PPP2R3A: variants seen among roughly 807,000 people sequenced by gnomAD.
The protein encoded by PPP2R3A is serine/threonine-protein phosphatase 2A regulatory subunit B'' subunit alpha.
PPP2R3A carries 80 observed loss-of-function variants against 106.9 expected under a neutral mutation model. That is an observed-to-expected ratio of 0.75 (90% CI 0.62 to 0.90). The LOEUF (loss-of-function observed/expected upper bound fraction) is 0.90, where lower values mean the gene tolerates loss of function less well. Among genes scored for constraint, PPP2R3A ranks in the 40% least tolerant of loss-of-function variants. PPP2R3A has a pLI of 0.00. For synonymous variants in PPP2R3A, 483 were observed against 468.3 expected, an observed-to-expected ratio of 1.03 and a Z score of -0.41; for missense variants, 1,386 against 1,350.4, an observed-to-expected ratio of 1.03 and a Z score of -0.41.
At chr3:135,973,315 T>G (rs1937297583) in intron 1 of PPP2R3A, among the ~76,000 whole-genome samples, 1 of 152,194 alleles carries the variant, frequency 6.6e-6, no homozygotes, top group Non-Finnish European at 1.5e-5. Flanking sequence ...AAAGTATATA[T>G]CATTAAACAA....
At chr3:136,013,799 T>C (rs1283296076) in intron 2 of PPP2R3A, among the ~76,000 whole-genome samples, 1 of 108,604 alleles carries the variant, frequency 9.2e-6, no homozygotes, top group Non-Finnish European at 2.3e-5. Context: ...TCTTCCACGC[T>C]GTGGTTTGTT....
intron 6 of PPP2R3A, among the ~76,000 whole-genome samples, chr3:136,071,982 T>G (rs1559903000): frequency 6.6e-6 from 1 of 152,154 alleles, no homozygotes; most frequent in Non-Finnish European, 1.5e-5. Flanking sequence ...GATCACTCTC[T>G]GTTTTTGTAA....
chr3:135,974,539 C>A (rs1937356914), intron 1 of PPP2R3A, among the ~76,000 whole-genome samples: 1 of 152,204 alleles, frequency 6.6e-6, no homozygotes, highest in African/African-American at 2.4e-5. Flanking sequence ...TACTGCTCTT[C>A]CCTGTGCTTG....
intron 10 of PPP2R3A, among the ~76,000 whole-genome samples, chr3:136,094,711 A>G (rs1576498624): frequency 6.6e-5 from 10 of 152,254 alleles, no homozygotes; most frequent in Admixed American, 6.5e-4. Context: ...TCAGATGTCT[A>G]TTAAAGAAAA....
At chr3:136,050,868 G>A (rs979173864) in intron 5 of PPP2R3A, among the ~76,000 whole-genome samples, 1 of 152,134 alleles carries the variant, frequency 6.6e-6, no homozygotes, top group Non-Finnish European at 1.5e-5. Flanking sequence ...GCAGAGAAGA[G>A]AAGTGACCTC....
chr3:136,088,800 T>C (rs758010276), intron 9 of PPP2R3A, among the ~76,000 whole-genome samples: 2 of 152,190 alleles, frequency 1.3e-5, no homozygotes, highest in Non-Finnish European at 2.9e-5. Context: ...TGTTGTGAGA[T>C]GGTATCTTGT....
intron 10 of PPP2R3A, among the ~76,000 whole-genome samples, chr3:136,100,089 C>CA (rs1476617233): frequency 6.6e-6 from 1 of 152,082 alleles, no homozygotes; most frequent in African/African-American, 2.4e-5. Context: ...ACTAAGGACT[C>CA]AGAGAAACCT....
chr3:136,068,533 G>C (rs1936329884), intron 5 of PPP2R3A, among the ~76,000 whole-genome samples: 1 of 152,052 alleles, frequency 6.6e-6, no homozygotes, highest in African/African-American at 2.4e-5. Flanking sequence ...AAAAATAAAA[G>C]AAATAAATAG....
intron 4 of PPP2R3A, among the ~76,000 whole-genome samples, chr3:136,044,147 C>T (rs184164493): frequency 9.9e-5 from 15 of 152,246 alleles, no homozygotes; most frequent in East Asian, 9.6e-4. Context: ...GCATCTATTG[C>T]GTGAATCTTT....
rs1268933808 is a variant in PPP2R3A at position 136,002,303 on chromosome 3, G to C, written c.805G>C (p.Asp269His). 3 of 1,613,638 alleles carry C rather than the reference G, an allele frequency of 1.9e-6. No homozygotes were observed. The highest frequency in any genetic ancestry group is 1.7e-6 in the Non-Finnish European group (2 of 1,179,644). Residue 269 changes from aspartate to histidine, a missense_variant, in exon 2 of 14, where the codon GAT (aspartate) becomes CAT (histidine). Transcript: ENST00000264977. The part of the protein sequence containing the change: ...GSSISEGSGN[D>H]TISSSETVYM... ...TAGCATCAGTGAAGGAAGTGGTAAT[G>C]ATACAATTTCTAGCTCTGAAACTGT...
At chr3:136,141,803 G>T (rs1559944079) in intron 13 of PPP2R3A, among the ~76,000 whole-genome samples, 1 of 152,188 alleles carries the variant, frequency 6.6e-6, no homozygotes, top group Non-Finnish European at 1.5e-5. Context: ...AAACAAGAAA[G>T]TATGGTACCC....
chr3:136,120,292 A>T lies in PPP2R3A; in HGVS notation c.3329+13970A>T, dbSNP rs190193035. 7.0e-3 allele frequency among the ~76,000 whole-genome samples: 1,057 copies of T among 151,994 alleles called. 6 individuals carry two copies. Among genetic ancestry groups the T allele is most frequent in the East Asian group, 0.021 (111 of 5,172 alleles). On this transcript the variant is annotated intron_variant, in intron 13 of 13. Transcript: ENST00000264977. ...CCCAGAACTTAAAGTATAATTTTTT[A>T]AAAAAAAGCCTCTGGTCGGGTGCAG...
chr3:136,102,241 A>C, intron 11 of PPP2R3A, 59 bp downstream of exon 11: 1 of 1,553,058 alleles, frequency 6.4e-7, no homozygotes, highest in Non-Finnish European at 8.8e-7. Context: ...GAGGGCAAAG[A>C]ATCCTAGATT....
At position 136,002,333 on chromosome 3, in the gene PPP2R3A, A is replaced by G. The variant is rs979294900; in HGVS notation, c.835A>G (p.Met279Val). The G allele has an allele frequency of 6.2e-7, 1 of 1,613,786 alleles. No homozygotes were observed. Among genetic ancestry groups the G allele is most frequent in the South Asian group, 1.1e-5 (1 of 91,044 alleles). ...DTISSSETVY[M>V]NVMTRLASYL... ...AATTTCTAGCTCTGAAACTGTCTAT[A>G]TGAATGTAATGACCAGGTTAGCATC... Residue 279 changes from methionine to valine, a missense_variant, in exon 2 of 14, where the codon ATG becomes GTG. Met to Val is a conservative substitution (Grantham distance 21). Coordinates refer to ENST00000264977, the MANE Select transcript of PPP2R3A (RefSeq NM_002718.5).
chr3:136,139,463 A>G (rs898221452), intron 13 of PPP2R3A, among the ~76,000 whole-genome samples: 20 of 151,520 alleles, frequency 1.3e-4, no homozygotes, highest in Non-Finnish European at 2.4e-4. Context: ...TGGGAGGCCG[A>G]GGGGGGGGAT....
rs1307002904 is a variant in PPP2R3A at position 136,055,138 on chromosome 3, A to G, written c.2469+5777A>G. The G allele has an allele frequency of 3.1e-5, 22 of 708,846 alleles. No individual in the cohort carries two copies. The Admixed American group carries it at 6.0e-4, about 19-fold the overall frequency. The allele number at this position is 708,846 out of a possible 1,614,324, so 43.9% of individuals were successfully genotyped here. A position where few individuals can be genotyped will look rare whatever the true frequency, so the allele number is the denominator to read the frequency against. On this transcript the variant is annotated intron_variant, in intron 5 of 13. Transcript: ENST00000264977. ...TGCTACAAGGCTTTTTTCCTCAAAG[A>G]TTCCTTTTAGGCTTACTTTGGTGTT...
At chr3:136,034,114 C>A (rs1480834424) in intron 3 of PPP2R3A, among the ~76,000 whole-genome samples, 1 of 151,036 alleles carries the variant, frequency 6.6e-6, no homozygotes, top group Non-Finnish European at 1.5e-5. Context: ...TGGCTCACTG[C>A]AGCCAGCACC....
intron 1 of PPP2R3A, among the ~76,000 whole-genome samples, chr3:135,966,403 C>T (rs1230820510): frequency 6.6e-6 from 1 of 152,120 alleles, no homozygotes; most frequent in East Asian, 1.9e-4. Flanking sequence ...CGCCAGGAGC[C>T]GGGGTACCTG....
At chr3:136,092,279 G>A (rs1937111697) in intron 10 of PPP2R3A, among the ~76,000 whole-genome samples, 1 of 152,146 alleles carries the variant, frequency 6.6e-6, no homozygotes, top group Non-Finnish European at 1.5e-5. Context: ...GCAGTGAGCT[G>A]AGATCGCACC....
Sources: allele counts gnomAD v4.1 joint callset (sites outside exome capture counted in the v4.1 genomes callset), GRCh38; gene constraint gnomAD v4.1.1; transcripts MANE v1.5; gene names NCBI Gene and HGNC (gene_info 2026-07-23, HGNC 2026-07-21).